POMT1: variants seen among roughly 807,000 people sequenced by gnomAD.
POMT1 encodes protein O-mannosyl-transferase 1.
In POMT1, 85 loss-of-function variants were observed where a neutral mutation model predicts 101.6. The observed-to-expected ratio is 0.84, with a 90% confidence interval of 0.70 to 1.00. The LOEUF (loss-of-function observed/expected upper bound fraction) is 1.00. Ranked by LOEUF, POMT1 falls within the 50% of genes least tolerant of loss-of-function variation. The pLI, the probability that POMT1 is intolerant of heterozygous loss-of-function variation, is 0.00. For missense variants in POMT1, 857 were observed against 930.4 expected, an observed-to-expected ratio of 0.92 and a Z score of 1.03; for synonymous variants, 371 against 383.0, an observed-to-expected ratio of 0.97 and a Z score of 0.37.
rs1948322643 is a variant in POMT1, at chr9:131,515,843, C to CA, written c.1272+321_1272+322insA. Among the ~76,000 whole-genome samples, 4 of 124,234 alleles carry CA rather than the reference C, an allele frequency of 3.2e-5. 1 individual carries two copies. Among genetic ancestry groups the CA allele is most frequent in the African/African-American group, 8.5e-5 (3 of 35,432 alleles). The allele number at this position is 124,234 out of a possible 152,430, so 81.5% of individuals were successfully genotyped here. ...CTCTAACACAGGACACTTCCTCACACGGAGCACTTCCTCACAGGGAGCACT... is the reference window on the plus strand; with the variant it reads ...CTCTAACACAGGACACTTCCTCACACAGGAGCACTTCCTCACAGGGAGCACT... On this transcript the variant is annotated intron_variant, in intron 13 of 19. Transcript: ENST00000402686.
Position 131,513,307 on chromosome 9 carries a change from G to A in POMT1, c.1151G>A (p.Gly384Asp). The A allele has an allele frequency of 1.2e-6, 2 of 1,612,440 alleles. No individual in the cohort carries two copies. The highest frequency in any genetic ancestry group is 1.7e-6 in the Non-Finnish European group (2 of 1,179,902). The change falls in exon 12 of 20, where the codon GGC becomes GAC. Residue 384 changes from glycine (G) to aspartate (D), a missense_variant. Physicochemically the swap from Gly to Asp is moderately conservative, Grantham distance 94. Coordinates refer to ENST00000402686, the MANE Select transcript of POMT1 (RefSeq NM_001077365.2). ...GGGGACATGGTGCAGCTGGTCCACG[G>A]CATGACCACCCGCTCCCTGAACACG... ...RHGDMVQLVH[G>D]MTTRSLNTHD...
chr9:131,522,551 T>C lies in POMT1; in HGVS notation c.2003+327T>C. 1.9e-6 allele frequency: 1 copy of C among 528,216 alleles called. No homozygotes were observed. The highest frequency in any genetic ancestry group is 5.1e-4 in the Middle Eastern group (1 of 1,942). The allele number at this position is 528,216 out of a possible 1,614,324, so 32.7% of individuals were successfully genotyped here. A position where few individuals can be genotyped will look rare whatever the true frequency, so the allele number is the denominator to read the frequency against. ...TGGGGTGTCAGAAACGGCAGCTGGT[T>C]ATGGTCGGGTTGTGTGGTGTGGTGG... On this transcript the variant is annotated intron_variant, in intron 19 of 19. Transcript: ENST00000402686. The surrounding 1 kb of genome is among the most constrained non-coding windows in gnomAD (Gnocchi z 5.5).
rs398124245 is a variant in POMT1, at chr9:131,523,025, C to CG, written c.2101dup (p.Asp701GlyfsTer8). ...CCAACACGCTGCGCCCACTCACCTA[C>CG]GGGGACAAGTCACTCTCGCCACATG... On this transcript the variant is annotated frameshift_variant, in exon 20 of 20. Coordinates refer to ENST00000402686, the MANE Select transcript of POMT1 (RefSeq NM_001077365.2). LOFTEE classifies it high-confidence loss of function. 371 of 1,610,668 alleles carry CG rather than the reference C, an allele frequency of 2.3e-4. No homozygotes were observed. The highest frequency in any genetic ancestry group is 2.6e-4 in the Non-Finnish European group (302 of 1,179,744).
intron 5 of POMT1, 53 bp downstream of exon 5, chr9:131,507,567 C>T (rs1946132688): frequency 1.2e-6 from 2 of 1,610,168 alleles, no homozygotes; most frequent in Non-Finnish European, 1.7e-6. Flanking sequence ...AGAACTGACC[C>T]TTTGGCCCGG....
Position 131,523,292 on chromosome 9 carries a change from A to AAGTT in POMT1, c.*188_*191dup. The AAGTT allele has an allele frequency of 1.4e-6, 1 of 689,686 alleles. No homozygotes were observed. Among genetic ancestry groups the AAGTT allele is most frequent in the Non-Finnish European group, 2.4e-6 (1 of 408,820 alleles). 42.7% of individuals were successfully genotyped at this position (689,686 alleles called of 1,614,324 possible). On this transcript the variant is annotated 3_prime_UTR_variant, in exon 20 of 20. Coordinates refer to ENST00000402686, the MANE Select transcript of POMT1 (RefSeq NM_001077365.2). ...TCTGATGAGCACCTCCTTTTGTGCAAAGTTAATTTTTTCTCGACAATAAAG... is the reference window on the plus strand; with the variant it reads ...TCTGATGAGCACCTCCTTTTGTGCAAAGTTAGTTAATTTTTTCTCGACAATAAAG...
Position 131,520,170 on chromosome 9 carries a change from T to C in POMT1, c.1675T>C (p.Tyr559His). 1 of 1,613,678 alleles carries C rather than the reference T, an allele frequency of 6.2e-7. No homozygotes were observed. Among genetic ancestry groups the C allele is most frequent in the Non-Finnish European group, 8.5e-7 (1 of 1,179,944 alleles). ...GGTCACCCTGGACACCAATATTGCCTACTGGCTGCACCCCAGGACCAGCGT... is the reference window on the plus strand; with the variant it reads ...GGTCACCCTGGACACCAATATTGCCCACTGGCTGCACCCCAGGACCAGCGT... The part of the protein sequence containing the change: ...EWVTLDTNIA[Y>H]WLHPRTSAQI... Residue 559 changes from tyrosine (Y) to histidine (H), a missense_variant, in exon 17 of 20, where the codon TAC becomes CAC. Tyr to His is a moderately conservative substitution (Grantham distance 83). Transcript: ENST00000402686.
chr9:131,508,659 A>G (rs1010471872), intron 5 of POMT1, among the ~76,000 whole-genome samples: 4 of 152,250 alleles, frequency 2.6e-5, no homozygotes, highest in Admixed American at 2.6e-4. Flanking sequence ...TGATGGTGCC[A>G]CTGCACTCCA....
rs1039190440 is a variant in POMT1 at position 131,523,435 on chromosome 9, A to C, written c.*329A>C. 8.1e-6 allele frequency: 3 copies of C among 372,598 alleles called. No homozygotes were observed. The highest frequency in any genetic ancestry group is 1.5e-5 in the Non-Finnish European group (3 of 193,630). 23.1% of individuals were successfully genotyped at this position (372,598 alleles called of 1,614,324 possible). On this transcript the variant is annotated 3_prime_UTR_variant, in exon 20 of 20. Transcript: ENST00000402686. ...GCCAGCAGTGGAGCCTCAGCAGACC[A>C]GGGCCTGGTCCTTGCTAACTGCTGC...
At position 131,523,258 on chromosome 9, in the gene POMT1, G is replaced by GAA; in HGVS notation, c.*155_*156dup. 1 of 914,218 alleles carries GAA rather than the reference G, an allele frequency of 1.1e-6. No homozygotes were observed. The highest frequency in any genetic ancestry group is 2.6e-5 in the East Asian group (1 of 37,980). The allele number at this position is 914,218 out of a possible 1,614,324, so 56.6% of individuals were successfully genotyped here. On this transcript the variant is annotated 3_prime_UTR_variant, in exon 20 of 20. Coordinates refer to ENST00000402686, the MANE Select transcript of POMT1 (RefSeq NM_001077365.2). Reference sequence around the variant, plus strand: ...TAGTGGAACACATGGGGGTCTCATTGAAAAGCTCTCTGATGAGCACCTCCT... The same window carrying GAA: ...TAGTGGAACACATGGGGGTCTCATTGAAAAAAGCTCTCTGATGAGCACCTCCT...
Position 131,523,547 on chromosome 9 carries a change from C to G in POMT1, c.*441C>G. 3.7e-6 allele frequency: 1 copy of G among 267,416 alleles called. No homozygotes were observed. The highest frequency in any genetic ancestry group is 7.3e-6 in the Non-Finnish European group (1 of 136,132). The allele number at this position is 267,416 out of a possible 1,614,324, so 16.6% of individuals were successfully genotyped here. The stretch of plus-strand genomic sequence containing the variant: ...GTCCCGGCCCTGCCCTCAGCGAGCC[C>G]GGCAGGCGTCCTGGGACAGCTCAGT... On this transcript the variant is annotated 3_prime_UTR_variant, in exon 20 of 20. Coordinates refer to ENST00000402686, the MANE Select transcript of POMT1 (RefSeq NM_001077365.2).
chr9:131,509,443 G>C (rs947989545), intron 6 of POMT1, among the ~76,000 whole-genome samples: 1 of 152,158 alleles, frequency 6.6e-6, no homozygotes, highest in Non-Finnish European at 1.5e-5. Flanking sequence ...GAGCCTCTGC[G>C]CCTAGTGCTA....
In POMT1 at chr9:131,510,370, G is replaced by T. The variant is rs1304752503; in HGVS notation, c.810G>T (p.Gly270=). Residue 270 remains glycine (G), a synonymous_variant, in exon 9 of 20, where the codon GGG becomes GGT. Transcript: ENST00000402686. ...YVHLILVFRS[G]PHDQIMSSAF... ...ACTTGATTCTAGTCTTCCGCTCTGGGCCCCACGACCAAATCATGTCCAGTG... is the reference window on the plus strand; with the variant it reads ...ACTTGATTCTAGTCTTCCGCTCTGGTCCCCACGACCAAATCATGTCCAGTG... 6.2e-7 allele frequency: 1 copy of T among 1,614,152 alleles called. No individual in the cohort carries two copies. Among genetic ancestry groups the T allele is most frequent in the South Asian group, 1.1e-5 (1 of 91,080 alleles).
rs794727208 is a variant in POMT1 at position 131,521,445 on chromosome 9, C to T, written c.1798C>T (p.Arg600Ter). The T allele has an allele frequency of 1.2e-5, 20 of 1,614,088 alleles. No individual in the cohort carries two copies. Among genetic ancestry groups the T allele is most frequent in the Admixed American group, 3.3e-5 (2 of 60,006 alleles). ...LLSLWYLLRR[R>*]RNVHDLPQDA... is the part of the protein sequence containing the mutation. The stretch of plus-strand genomic sequence containing the variant: ...GTCCTTGTGGTACCTGCTCCGACGG[C>T]GAAGAAATGTCCATGACCTCCCTCA... Residue 600 changes from arginine to a stop codon, truncating the protein, a stop_gained, in exon 18 of 20, where the codon CGA becomes TGA. Coordinates refer to ENST00000402686, the MANE Select transcript of POMT1 (RefSeq NM_001077365.2). LOFTEE classifies it high-confidence loss of function.
chr9:131,510,656 A>G lies in POMT1; in HGVS notation c.855+241A>G. The G allele has an allele frequency of 3.6e-6, 2 of 550,500 alleles. 1 individual carries two copies. Among genetic ancestry groups the G allele is most frequent in the Middle Eastern group, 1.0e-3 (2 of 1,938 alleles). The allele number at this position is 550,500 out of a possible 1,614,324, so 34.1% of individuals were successfully genotyped here. A position where few individuals can be genotyped will look rare whatever the true frequency, so the allele number is the denominator to read the frequency against. On this transcript the variant is annotated intron_variant, in intron 9 of 19. Coordinates refer to ENST00000402686, the MANE Select transcript of POMT1 (RefSeq NM_001077365.2). ...GTAGCTGGTATTACAAGCACCTGCAACCACACCCAGCTAATTTTTTTGTTT... is the reference window on the plus strand; with the variant it reads ...GTAGCTGGTATTACAAGCACCTGCAGCCACACCCAGCTAATTTTTTTGTTT...
At chr9:131,518,581 T>C (rs1307383043) in intron 14 of POMT1, 44 bp downstream of exon 14, 1 of 1,551,608 alleles carries the variant, frequency 6.4e-7, no homozygotes, top group Admixed American at 1.7e-5. Context: ...AGCTGTGGGC[T>C]CCAGTCTGTT....
In POMT1 at chr9:131,515,450, C is replaced by G; in HGVS notation, c.1200C>G (p.Ser400Arg). Residue 400 changes from serine to arginine, a missense_variant, in exon 13 of 20, where the codon AGC becomes AGG. Transcript: ENST00000402686. ...LNTHDVAAPLSPHSQEVSCYI... is the reference protein window; with the variant it reads ...LNTHDVAAPLRPHSQEVSCYI... ...GGCATGATGTTGCAGCCCCCCTGAG[C>G]CCCCATTCACAGGAGGTCTCCTGCT... 4 of 1,614,206 alleles carry G rather than the reference C, an allele frequency of 2.5e-6. No individual in the cohort carries two copies. The highest frequency in any genetic ancestry group is 3.4e-6 in the Non-Finnish European group (4 of 1,180,018).
At position 131,522,166 on chromosome 9, in the gene POMT1, A is replaced by C; in HGVS notation, c.1945A>C (p.Thr649Pro). 1 of 1,614,058 alleles carries C rather than the reference A, an allele frequency of 6.2e-7. No individual in the cohort carries two copies. The highest frequency in any genetic ancestry group is 8.5e-7 in the Non-Finnish European group (1 of 1,180,018). ...CCTCTACCACTACCTGCCCGCACTCACCTTCCAAATCCTTCTGCTCCCTGT... is the reference window on the plus strand; with the variant it reads ...CCTCTACCACTACCTGCCCGCACTCCCCTTCCAAATCCTTCTGCTCCCTGT... ...LFLYHYLPALTFQILLLPVVL... is the reference protein window; with the variant it reads ...LFLYHYLPALPFQILLLPVVL... Residue 649 changes from threonine (T) to proline (P), a missense_variant, in exon 19 of 20, where the codon ACC becomes CCC. Transcript: ENST00000402686. The surrounding 1 kb of genome is among the most constrained non-coding windows in gnomAD (Gnocchi z 5.5).
intron 9 of POMT1, chr9:131,510,974 G>GA: frequency 7.7e-6 from 2 of 261,006 alleles, no homozygotes; most frequent in Non-Finnish European, 1.5e-5. Context: ...CCTGCCGACG[G>GA]CCAGTGCTGT....
At position 131,523,282 on chromosome 9, in the gene POMT1, C is replaced by T. The variant is rs1463035396; in HGVS notation, c.*176C>T. On this transcript the variant is annotated 3_prime_UTR_variant, in exon 20 of 20. Transcript: ENST00000402686. ...TGAAAAGCTCTCTGATGAGCACCTCCTTTTGTGCAAAGTTAATTTTTTCTC... is the reference window on the plus strand; with the variant it reads ...TGAAAAGCTCTCTGATGAGCACCTCTTTTTGTGCAAAGTTAATTTTTTCTC... The T allele has an allele frequency of 4.1e-6, 3 of 724,746 alleles. No individual in the cohort carries two copies. Among genetic ancestry groups the T allele is most frequent in the Non-Finnish European group, 6.9e-6 (3 of 437,346 alleles). The allele number at this position is 724,746 out of a possible 1,614,324, so 44.9% of individuals were successfully genotyped here. A position where few individuals can be genotyped will look rare whatever the true frequency, so the allele number is the denominator to read the frequency against.
Sources: gnomAD v4.1 joint callset for allele counts (sites outside exome capture counted in the v4.1 genomes callset) on GRCh38, gnomAD v4.1.1 for gene constraint, Gnocchi (gnomAD v3.1) non-coding constraint, MANE v1.5 for transcripts, NCBI Gene and HGNC (gene_info 2026-07-23, HGNC 2026-07-21) for gene names.